AGBL1: variants seen among roughly 807,000 people sequenced by gnomAD.
AGBL1 encodes the protein cytosolic carboxypeptidase 4.
AGBL1 carries 130 observed loss-of-function variants against 118.9 expected under a neutral mutation model. The observed-to-expected ratio is 1.09, with a 90% CI of 0.95 to 1.26. The LOEUF is 1.26. Ranked by LOEUF, AGBL1 falls within the 50% of genes most tolerant of loss-of-function variation. The probability of loss-of-function intolerance (pLI) is 0.00; values close to 1 mark genes in which losing one functional copy is unlikely to be tolerated. For missense variants in AGBL1, 1,584 were observed against 1,298.1 expected (o/e 1.22, Z -3.38); for synonymous variants, 555 against 478.9 (o/e 1.16, Z -2.08).
At chr15:86,707,612 T>C (rs1457479349) in intron 22 of AGBL1, among the ~76,000 whole-genome samples, 1 of 152,142 alleles carries the variant, frequency 6.6e-6, no homozygotes, top group Non-Finnish European at 1.5e-5. Context: ...ATCGAATGTG[T>C]AGAGTTTACA....
At chr15:86,387,386 G>A (rs865819740) in intron 17 of AGBL1, among the ~76,000 whole-genome samples, 21 of 152,306 alleles carry the variant, frequency 1.4e-4, no homozygotes, top group Middle Eastern at 3.4e-3. Context: ...ACTAAGGACT[G>A]TGGGTTCTAC....
chr15:86,530,768 C>T (rs2083338625), intron 19 of AGBL1, among the ~76,000 whole-genome samples: 2 of 142,826 alleles, frequency 1.4e-5, no homozygotes, highest in Admixed American at 1.4e-4. Context: ...TCTCTCAGAC[C>T]ACAGTGCAAT....
intron 18 of AGBL1, among the ~76,000 whole-genome samples, chr15:86,467,415 G>C (rs1028560232): frequency 6.6e-6 from 1 of 152,210 alleles, no homozygotes; most frequent in East Asian, 1.9e-4. Context: ...GGCTCTGTTG[G>C]GGTGAGTTCT....
chr15:86,673,318 C>T (rs1455304063), intron 21 of AGBL1, among the ~76,000 whole-genome samples: 1 of 152,116 alleles, frequency 6.6e-6, no homozygotes, highest in African/African-American at 2.4e-5. Flanking sequence ...AAAAAGAGTT[C>T]GCTGAGCCCA....
intron 23 of AGBL1, among the ~76,000 whole-genome samples, chr15:86,973,479 A>G (rs889115629): frequency 3.9e-5 from 6 of 151,956 alleles, no homozygotes; most frequent in Admixed American, 2.0e-4. Flanking sequence ...ATTCCTCTTC[A>G]GGGAACTAGT....
chr15:86,364,958 CATATAT>C (rs72116454), intron 17 of AGBL1, among the ~76,000 whole-genome samples: 7,320 of 76,074 alleles, frequency 0.096, 560 homozygotes, highest in East Asian at 0.15. Flanking sequence ...ATATGTCACA[CATATAT>C]ATATATATAT....
intron 24 of AGBL1, among the ~76,000 whole-genome samples, chr15:87,010,463 A>C (rs1173401277): frequency 2.0e-5 from 3 of 152,184 alleles, no homozygotes; most frequent in Non-Finnish European, 4.4e-5. Flanking sequence ...AACATGGATG[A>C]GTGCATCCAA....
rs112835857 is a variant in AGBL1, at chr15:86,993,230, T to G, written c.3323+5142T>G. Among the ~76,000 whole-genome samples, 1,320 of 152,362 alleles carry G rather than the reference T, an allele frequency of 8.7e-3. 12 individuals are homozygous for G. The highest frequency in any genetic ancestry group is 0.024 in the South Asian group (118 of 4,828). ...CTTAATATGTACTGTCCTAAGCAGC[T>G]GGATCCTTATTTTTCTCCTTGTAAC... On this transcript the variant is annotated intron_variant, in intron 24 of 24. Coordinates refer to the AGBL1 transcript ENST00000441037.
intron 23 of AGBL1, among the ~76,000 whole-genome samples, chr15:86,974,689 A>G (rs2081155057): frequency 6.7e-6 from 1 of 150,192 alleles, no homozygotes; most frequent in South Asian, 2.1e-4. Flanking sequence ...AGCAAGTAAA[A>G]AAAACAGTGA....
intron 18 of AGBL1, among the ~76,000 whole-genome samples, chr15:86,423,536 G>A (rs933382119): frequency 2.6e-5 from 4 of 152,098 alleles, no homozygotes; most frequent in African/African-American, 7.2e-5. Context: ...GTTCTGGCCC[G>A]GGTAATCATG....
At chr15:86,704,511 G>C (rs1238258866) in intron 22 of AGBL1, among the ~76,000 whole-genome samples, 1 of 151,980 alleles carries the variant, frequency 6.6e-6, no homozygotes, top group Non-Finnish European at 1.5e-5. Flanking sequence ...ACATTTATGT[G>C]GCCAACAAAC....
intron 18 of AGBL1, among the ~76,000 whole-genome samples, chr15:86,492,596 G>GAAAAAAAAAAAAAA (rs998900235): frequency 2.8e-5 from 2 of 70,988 alleles, no homozygotes; most frequent in Admixed American, 1.5e-4. Context: ...TCAAAAAAAA[G>GAAAAAAAAAAAAAA]AAAAAAAAAA....
rs2081993089 is a variant in AGBL1, at chr15:86,435,705, C to T, written c.2555+38159C>T. On this transcript the variant is annotated intron_variant, in intron 18 of 22. Coordinates refer to ENST00000614907, the MANE Select transcript of AGBL1 (RefSeq NM_001386094.1). ...CTCTGGAGCCAGAATTCTTAAACTC[C>T]CAGGCTAGCCAGAAACCTCGGGTAC... Among the ~76,000 whole-genome samples, 4 of 152,208 alleles carry T rather than the reference C, an allele frequency of 2.6e-5. No individual in the cohort carries two copies. The South Asian group carries it at 8.3e-4, about 32-fold the overall frequency.
chr15:86,285,353 G>C (rs1442193155), intron 16 of AGBL1, among the ~76,000 whole-genome samples: 1 of 152,050 alleles, frequency 6.6e-6, no homozygotes, highest in Admixed American at 6.5e-5. Context: ...TGGTTTGGCT[G>C]TGTCCCCACC....
intron 18 of AGBL1, among the ~76,000 whole-genome samples, chr15:86,471,200 T>A (rs2082474638): frequency 6.6e-6 from 1 of 152,160 alleles, no homozygotes; most frequent in African/African-American, 2.4e-5. Flanking sequence ...ATGACCTTTT[T>A]AATATTAAGA....
intron 5 of AGBL1, among the ~76,000 whole-genome samples, chr15:86,164,626 C>A (rs368334423): frequency 6.6e-6 from 1 of 152,172 alleles, no homozygotes; most frequent in Non-Finnish European, 1.5e-5. Flanking sequence ...TTTGGATTCT[C>A]ACAGTGTAAT....
intron 24 of AGBL1, among the ~76,000 whole-genome samples, chr15:87,020,788 C>T (rs1291702667): frequency 6.6e-6 from 1 of 152,008 alleles, no homozygotes; most frequent in African/African-American, 2.4e-5. Context: ...ATACAGCTAA[C>T]AAGGGATGTG....
intron 22 of AGBL1, among the ~76,000 whole-genome samples, chr15:86,791,959 C>T (rs1470243367): frequency 6.6e-6 from 1 of 152,104 alleles, no homozygotes; most frequent in Non-Finnish European, 1.5e-5. Flanking sequence ...TGGTCTTGAA[C>T]TCCTGGCCTC....
chr15:86,868,393 T>C (rs1186213739), intron 22 of AGBL1, among the ~76,000 whole-genome samples: 2 of 152,224 alleles, frequency 1.3e-5, no homozygotes, highest in Non-Finnish European at 2.9e-5. Flanking sequence ...AAGTCTTGTT[T>C]ATATAGCAAT....
Sources: allele counts gnomAD v4.1 joint callset (sites outside exome capture counted in the v4.1 genomes callset), GRCh38; gene constraint gnomAD v4.1.1; transcripts MANE v1.5; gene names NCBI Gene and HGNC (gene_info 2026-07-23, HGNC 2026-07-21).